Variants in CFAP47 observed in about 807,000 individuals in gnomAD.
The protein encoded by CFAP47 is cilia- and flagella-associated protein 47.
Under a neutral mutation model 148.1 loss-of-function variants are expected in CFAP47, and 29 were observed. The ratio of observed to expected loss-of-function variants is 0.20; its 90% CI spans 0.15 to 0.27. The LOEUF is 0.27. CFAP47 is among the 10% of genes least tolerant of loss of function. The pLI is 1.00. For missense variants in CFAP47, 1,872 were observed against 1,697.5 expected, an observed-to-expected ratio of 1.10 and a Z score of -1.81; for synonymous variants, 664 against 577.3, an observed-to-expected ratio of 1.15 and a Z score of -2.15.
chrX:36,007,723 G>C (rs1431439353), intron 21 of CFAP47, among the ~76,000 whole-genome samples: 1 of 111,845 alleles, frequency 8.9e-6, no homozygotes, highest in Non-Finnish European at 1.9e-5. Flanking sequence ...TGCAAATTGT[G>C]TGTGAAGATG....
rs1941714759 is a variant in CFAP47 at position 36,348,251 on chromosome X, A to G, written c.8566A>G (p.Ile2856Val). ...GAAAGCAAATGGAAAATATTGGCCT[A>G]TTGACAATTTTGATGAGTTGGATAT... Reference protein sequence around the residue: ...MTKANGKYWPIDNFDELDIKF... With the variant: ...MTKANGKYWPVDNFDELDIKF... Residue 2856 changes from isoleucine to valine, a missense_variant, in exon 58 of 64, where the codon ATT (isoleucine) becomes GTT (valine). Transcript: ENST00000378653. 2 of 1,038,664 alleles carry G rather than the reference A, an allele frequency of 1.9e-6. No homozygotes were observed. Among genetic ancestry groups the G allele is most frequent in the Middle Eastern group, 2.6e-4 (1 of 3,893 alleles). 85.6% of individuals were successfully genotyped at this position (1,038,664 alleles called of 1,213,427 possible). A position where few individuals can be genotyped will look rare whatever the true frequency, so the allele number is the denominator to read the frequency against.
chrX:36,290,478 A>C (rs782205932), intron 51 of CFAP47, among the ~76,000 whole-genome samples: 1 of 112,151 alleles, frequency 8.9e-6, no homozygotes, highest in East Asian at 2.8e-4. Flanking sequence ...GTTTGTCTTT[A>C]CTTTCTGGTA....
At chrX:36,274,515 G>A (rs1602084836) in intron 49 of CFAP47, among the ~76,000 whole-genome samples, 1 of 111,434 alleles carries the variant, frequency 9.0e-6, no homozygotes, top group African/African-American at 3.3e-5. Context: ...AAATTGAGGG[G>A]CATCTATACT....
chrX:36,066,708 T>C (rs1340302449), intron 27 of CFAP47, among the ~76,000 whole-genome samples: 2 of 111,837 alleles, frequency 1.8e-5, no homozygotes, highest in Non-Finnish European at 3.8e-5. Flanking sequence ...CTGCTTTGAG[T>C]GAGCATCTAG....
At chrX:36,149,324 T>TGA (rs1939276820) in intron 37 of CFAP47, 101 bp downstream of exon 37, 1 of 274,443 alleles carries the variant, frequency 3.6e-6, no homozygotes, top group African/African-American at 2.7e-5. Context: ...TGATAGATAT[T>TGA]TAATGAAACG....
intron 39 of CFAP47, among the ~76,000 whole-genome samples, chrX:36,177,123 T>A (rs1939693572): frequency 8.9e-6 from 1 of 111,857 alleles, no homozygotes; most frequent in African/African-American, 3.2e-5. Context: ...TCAAGTAGGA[T>A]TATTTTTTTC....
At chrX:36,241,603 C>T (rs1034651257) in intron 48 of CFAP47, among the ~76,000 whole-genome samples, 2 of 111,915 alleles carry the variant, frequency 1.8e-5, no homozygotes, top group Non-Finnish European at 3.8e-5. Flanking sequence ...GAGCCTGACC[C>T]CTAGCTGTGG....
chrX:36,025,818 G>T (rs182638163), intron 22 of CFAP47, among the ~76,000 whole-genome samples: 341 of 111,150 alleles, frequency 3.1e-3, no homozygotes, highest in Non-Finnish European at 5.7e-3. Context: ...TATTTGTCTG[G>T]TACATTTGGG....
intron 51 of CFAP47, among the ~76,000 whole-genome samples, chrX:36,288,036 G>A (rs1941152308): frequency 9.0e-6 from 1 of 111,684 alleles, no homozygotes; most frequent in African/African-American, 3.2e-5. Context: ...TGTGGCAATG[G>A]TGCACTCAAG....
rs756832937 is a variant in CFAP47 at position 36,116,165 on chromosome X, A to C, written c.5320+11474A>C. 4.5e-5 allele frequency among the ~76,000 whole-genome samples: 5 copies of C among 111,943 alleles called. No individual in the cohort carries two copies. The South Asian group carries it at 1.9e-3, about 42-fold the overall frequency. On this transcript the variant is annotated intron_variant, in intron 33 of 63. Transcript: ENST00000378653. ...GGGCTTCTGGTGTGCTTATTACCCA[A>C]ATAGTGAACATTGTATCCAATAGAT...
intron 48 of CFAP47, among the ~76,000 whole-genome samples, chrX:36,248,486 A>G (rs1027254122): frequency 1.9e-4 from 16 of 86,444 alleles, no homozygotes; most frequent in African/African-American, 7.3e-4. Context: ...TAAAAATATC[A>G]CATATTATAT....
intron 33 of CFAP47, among the ~76,000 whole-genome samples, chrX:36,124,059 C>T (rs1370061680): frequency 9.0e-6 from 1 of 111,224 alleles, no homozygotes; most frequent in African/African-American, 3.3e-5. Context: ...CCTTCTGGCT[C>T]TGGATGTGTC....
chrX:36,249,706 G>A (rs1940667408), intron 48 of CFAP47, among the ~76,000 whole-genome samples: 1 of 111,399 alleles, frequency 9.0e-6, no homozygotes, highest in African/African-American at 3.2e-5. Flanking sequence ...GAGGCATCAT[G>A]GAAAATGAAA....
chrX:35,947,958 A>G (rs746725616), intron 3 of CFAP47, among the ~76,000 whole-genome samples: 1 of 111,761 alleles, frequency 8.9e-6, no homozygotes, highest in Non-Finnish European at 1.9e-5. Flanking sequence ...TTGGACTTAC[A>G]ATTAAAGCTT....
At chrX:36,105,358 A>G (rs774217227) in intron 33 of CFAP47, among the ~76,000 whole-genome samples, 1 of 111,368 alleles carries the variant, frequency 9.0e-6, no homozygotes, top group South Asian at 3.7e-4. Context: ...CTTCAATTCA[A>G]CTCCTTTCTT....
intron 26 of CFAP47, among the ~76,000 whole-genome samples, chrX:36,064,500 A>G (rs1937620187): frequency 8.9e-6 from 1 of 112,098 alleles, no homozygotes; most frequent in African/African-American, 3.2e-5. Context: ...TGAGGTGGAA[A>G]TCATTCAGTT....
At chrX:36,243,164 T>G (rs782293255) in intron 48 of CFAP47, among the ~76,000 whole-genome samples, 1 of 111,383 alleles carries the variant, frequency 9.0e-6, no homozygotes, top group Non-Finnish European at 1.9e-5. Flanking sequence ...TAGATGAGAC[T>G]GACAAGAAGT....
At chrX:36,168,368 G>T (rs1455196535) in intron 39 of CFAP47, among the ~76,000 whole-genome samples, 1 of 111,191 alleles carries the variant, frequency 9.0e-6, no homozygotes, top group African/African-American at 3.3e-5. Flanking sequence ...GTTACCCTGA[G>T]GATTACAATC....
At chrX:35,999,778 C>A (rs1015184113) in intron 19 of CFAP47, among the ~76,000 whole-genome samples, 6 of 111,721 alleles carry the variant, frequency 5.4e-5, no homozygotes, top group African/African-American at 2.0e-4. Context: ...CCAAGTCATA[C>A]AGCTTGCTGA....
Sources: allele counts gnomAD v4.1 joint callset (sites outside exome capture counted in the v4.1 genomes callset), GRCh38; gene constraint gnomAD v4.1.1; transcripts MANE v1.5; gene names NCBI Gene and HGNC (gene_info 2026-07-23, HGNC 2026-07-21).